Variants in TTC9C observed in about 807,000 individuals in gnomAD.
TTC9C encodes the protein tetratricopeptide repeat domain 9C, also known as tetratricopeptide repeat protein 9C.
TTC9C carries 15 observed loss-of-function variants against 22.5 expected under a neutral mutation model. The ratio of observed to expected loss-of-function variants is 0.67; its 90% CI spans 0.45 to 1.03. The LOEUF (loss-of-function observed/expected upper bound fraction) is 1.03, where lower values mean the gene tolerates loss of function less well. Ranked by LOEUF, TTC9C falls within the 50% of genes least tolerant of loss-of-function variation. The pLI is 0.00. For synonymous variants in TTC9C, 92 were observed against 86.8 expected, an observed-to-expected ratio of 1.06 and a Z score of -0.33; for missense variants, 244 against 214.6, an observed-to-expected ratio of 1.14 and a Z score of -0.86.
rs555797858 is a variant in TTC9C at position 62,732,056 on chromosome 11, C to T, written c.238+2970C>T. 8.4e-5 allele frequency among the ~76,000 whole-genome samples: 11 copies of T among 131,510 alleles called. No individual in the cohort carries two copies. In the South Asian group the frequency reaches 2.0e-3, roughly 24 times the overall value. 86.3% of individuals were successfully genotyped at this position (131,510 alleles called of 152,430 possible). On this transcript the variant is annotated intron_variant, in intron 1 of 2. Coordinates refer to ENST00000316461, the MANE Select transcript of TTC9C (RefSeq NM_173810.4). ...CTGTCGCCCAGGCTGGCGTCAGTGG[C>T]GCAATTCTGGCTCACTGCAAGCTCT...
In TTC9C at chr11:62,728,859, G is replaced by T. The variant is rs752877776; in HGVS notation, c.11G>T (p.Arg4Leu). The T allele has an allele frequency of 6.2e-6, 10 of 1,614,020 alleles. No individual in the cohort carries two copies. The East Asian group carries it at 8.9e-5, about 14-fold the overall frequency. The change falls in exon 1 of 3, where the codon CGT becomes CTT. Residue 4 changes from arginine (R) to leucine (L), a missense_variant. Physicochemically the swap from Arg to Leu is moderately radical, Grantham distance 102 (BLOSUM62 -2). Transcript: ENST00000316461. ...CCGTGGGCGACAGTTATGGAGAAGCGTCTGCAGGAGGCTCAGCTGTACAAG... is the reference window on the plus strand; with the variant it reads ...CCGTGGGCGACAGTTATGGAGAAGCTTCTGCAGGAGGCTCAGCTGTACAAG... MEKRLQEAQLYKEE... is the reference protein window; with the variant it reads MEKLLQEAQLYKEE...
rs571617886 is a variant in TTC9C at position 62,733,999 on chromosome 11, T to C, written c.239-1383T>C. On this transcript the variant is annotated intron_variant, in intron 1 of 2. Coordinates refer to ENST00000316461, the MANE Select transcript of TTC9C (RefSeq NM_173810.4). ...AGAGCGAGACCTCCATCTCAAAAAA[T>C]AATAATAATAATGAGGGGGCTGGGC... 2.4e-5 allele frequency among the ~76,000 whole-genome samples: 3 copies of C among 126,644 alleles called. No individual in the cohort carries two copies. In the South Asian group the frequency reaches 7.5e-4, roughly 32 times the overall value. The allele number at this position is 126,644 out of a possible 152,430, so 83.1% of individuals were successfully genotyped here.
Position 62,728,504 on chromosome 11 carries a change from A to T in TTC9C, c.-345A>T. 1 of 485,230 alleles carries T rather than the reference A, an allele frequency of 2.1e-6. No homozygotes were observed. Among genetic ancestry groups the T allele is most frequent in the South Asian group, 1.5e-5 (1 of 64,816 alleles). The allele number at this position is 485,230 out of a possible 1,614,324, so 30.1% of individuals were successfully genotyped here. Reference sequence around the variant, plus strand: ...GGAAGCCAGTGTCCCAGGCGTTCTCACGCCCGCAACAATTCCTGAGTAGGG... The same window carrying T: ...GGAAGCCAGTGTCCCAGGCGTTCTCTCGCCCGCAACAATTCCTGAGTAGGG... On this transcript the variant is annotated 5_prime_UTR_variant, in exon 1 of 3. Transcript: ENST00000316461.
upstream of TTC9C, chr11:62,728,336 C>T: frequency 2.8e-6 from 1 of 360,396 alleles, no homozygotes; most frequent in Non-Finnish European, 5.5e-6. Context: ...CTCGGCTTCC[C>T]AGTTTATTTA....
chr11:62,738,557 T>G lies in TTC9C; in HGVS notation c.*175T>G. 1.9e-6 allele frequency: 1 copy of G among 522,934 alleles called. No individual in the cohort carries two copies. Among genetic ancestry groups the G allele is most frequent in the Non-Finnish European group, 3.4e-6 (1 of 291,748 alleles). The allele number at this position is 522,934 out of a possible 1,614,324, so 32.4% of individuals were successfully genotyped here. A position where few individuals can be genotyped will look rare whatever the true frequency, so the allele number is the denominator to read the frequency against. On this transcript the variant is annotated 3_prime_UTR_variant, in exon 3 of 3. Transcript: ENST00000316461. Reference sequence around the variant, plus strand: ...GACAGTCTGAGTCTTTTTCTGTCTATCCATCTGTTTATTTCTATACCTTTC... The same window carrying G: ...GACAGTCTGAGTCTTTTTCTGTCTAGCCATCTGTTTATTTCTATACCTTTC...
intron 2 of TTC9C, among the ~76,000 whole-genome samples, 185 bp from the exon 3 acceptor site, chr11:62,738,102 GT>G (rs34665194): frequency 0.28 from 41,786 of 151,562 alleles, 6,443 homozygotes; most frequent in African/African-American, 0.42. Flanking sequence ...GACAGAGATT[GT>G]TTTTTTTCAA....
chr11:62,736,853 C>CAA (rs140941111), intron 2 of TTC9C, among the ~76,000 whole-genome samples: 1 of 131,142 alleles, frequency 7.6e-6, no homozygotes. Context: ...GACTCCATCC[C>CAA]AAAAAAAAAA....
chr11:62,738,149 C>A, intron 2 of TTC9C, 139 bp from the exon 3 acceptor site: 1 of 452,502 alleles, frequency 2.2e-6, no homozygotes, highest in Non-Finnish European at 3.9e-6. Flanking sequence ...TTTACTATTG[C>A]ATAGAATGGT....
At chr11:62,730,328 G>A (rs540389888) in intron 1 of TTC9C, among the ~76,000 whole-genome samples, 3 of 152,050 alleles carry the variant, frequency 2.0e-5, no homozygotes, top group Non-Finnish European at 4.4e-5. Flanking sequence ...GCCCGCCTCG[G>A]CCTCGCAAAG....
rs58792209 is a variant in TTC9C at position 62,729,073 on chromosome 11, T to C, written c.225T>C (p.Tyr75=). ...TGCATACCACCCAGACAGACTGCTA[T>C]AACAATCTAGCTGGTAAGAACGGGG... is the stretch of plus-strand genomic sequence containing the variant. ...NILHTTQTDC[Y]NNLAACLLQM... Residue 75 remains tyrosine, a synonymous_variant, in exon 1 of 3, where the codon TAT becomes TAC. Coordinates refer to ENST00000316461, the MANE Select transcript of TTC9C (RefSeq NM_173810.4). 3,473 of 1,613,776 alleles carry C rather than the reference T, an allele frequency of 2.2e-3. 66 individuals carry two copies. The African/African-American group carries it at 0.04, about 19-fold the overall frequency.
upstream of TTC9C, chr11:62,728,226 A>T (rs1036677191): frequency 4.9e-5 from 15 of 307,182 alleles, no homozygotes; most frequent in African/African-American, 3.3e-4. Context: ...GGAGACTTCC[A>T]GGTTTGGGCA....
At chr11:62,728,434 C>T, upstream of TTC9C, 1 of 455,782 alleles carries the variant, frequency 2.2e-6, no homozygotes, top group South Asian at 1.6e-5. Flanking sequence ...CCCGCCCACT[C>T]CCTTCTACTT....
At chr11:62,729,167 G>T in intron 1 of TTC9C, 81 bp downstream of exon 1, 2 of 1,236,788 alleles carry the variant, frequency 1.6e-6, no homozygotes, top group Admixed American at 2.3e-5. Context: ...AAAAAACGCT[G>T]ACTTTTTTTT....
chr11:62,736,359 T>C (rs2083912332), intron 2 of TTC9C: 2 of 150,542 alleles, frequency 1.3e-5, no homozygotes, highest in Admixed American at 1.3e-4. Flanking sequence ...CTGGCCAACA[T>C]GGCGGAACCC....
chr11:62,728,050 T>TTTTC (rs59264888), upstream of TTC9C: 1,622 of 148,652 alleles, frequency 0.011, 16 homozygotes, highest in African/African-American at 0.025. Flanking sequence ...TTTTTTTTTT[T>TTTTC]CCCAGGTTGG....
intron 1 of TTC9C, chr11:62,733,001 G>A (rs1461643240): frequency 8.0e-6 from 2 of 251,198 alleles, no homozygotes; most frequent in East Asian, 3.3e-4. Flanking sequence ...ACCACTTGGT[G>A]GGGATGTTGT....
chr11:62,728,166 G>C (rs565603833), upstream of TTC9C: 3 of 237,812 alleles, frequency 1.3e-5, no homozygotes, highest in Non-Finnish European at 2.6e-5. Flanking sequence ...CAAACTGTAC[G>C]CATCTCTGAC....
intron 1 of TTC9C, 139 bp from the exon 2 acceptor site, chr11:62,735,243 G>A (rs1311842046): frequency 8.7e-7 from 1 of 1,150,670 alleles, no homozygotes. Context: ...GTAGAAGAGT[G>A]TCTGGCATAT....
intron 1 of TTC9C, among the ~76,000 whole-genome samples, chr11:62,731,761 C>T (rs1048616019): frequency 4.6e-5 from 7 of 151,036 alleles, no homozygotes; most frequent in East Asian, 1.9e-4. Context: ...GTGATCTCAC[C>T]GCAAGCTCTG....
Sources: allele counts gnomAD v4.1 joint callset (sites outside exome capture counted in the v4.1 genomes callset), GRCh38; gene constraint gnomAD v4.1.1; transcripts MANE v1.5; gene names NCBI Gene and HGNC (gene_info 2026-07-23, HGNC 2026-07-21).